ROBO2: variants seen among roughly 807,000 people sequenced by gnomAD.
ROBO2 encodes the protein roundabout guidance receptor 2.
Under a neutral mutation model 160.8 loss-of-function variants are expected in ROBO2, and 53 were observed. That is an observed-to-expected ratio of 0.33 (90% CI 0.26 to 0.41). ROBO2 has a LOEUF of 0.41. Ranked by LOEUF, ROBO2 falls within the 10% of genes least tolerant of loss-of-function variation. ROBO2 has a pLI of 1.00. For missense variants in ROBO2, 1,577 were observed against 1,722.4 expected, an observed-to-expected ratio of 0.92 and a Z score of 1.49; for synonymous variants, 664 against 611.7, an observed-to-expected ratio of 1.09 and a Z score of -1.26.
chr3:76,251,780 G>A (rs1706019383), intron 2 of ROBO2, among the ~76,000 whole-genome samples: 1 of 151,940 alleles, frequency 6.6e-6, no homozygotes, highest in Non-Finnish European at 1.5e-5. Flanking sequence ...TGGATGCTTC[G>A]AAATTTTGAC....
rs562705062 is a variant in ROBO2 at position 76,649,368 on chromosome 3, T to G, written c.110-448646T>G. On this transcript the variant is annotated intron_variant, in intron 2 of 26. Transcript: ENST00000487694. ...CGATTTCAGAATAAACTTAATTTAT[T>G]TAATCACCAAGAGAATTATGCTATG... Among the ~76,000 whole-genome samples, 5 of 152,292 alleles carry G rather than the reference T, an allele frequency of 3.3e-5. No individual in the cohort carries two copies. The South Asian group carries it at 1.0e-3, about 32-fold the overall frequency.
chr3:76,278,216 A>G (rs1383819057), intron 2 of ROBO2, among the ~76,000 whole-genome samples: 1 of 152,006 alleles, frequency 6.6e-6, no homozygotes, highest in Admixed American at 6.6e-5. Flanking sequence ...GAAGAAAAAC[A>G]TTATGATTGC....
chr3:76,447,672 G>T (rs920646424), intron 2 of ROBO2, among the ~76,000 whole-genome samples: 1 of 151,166 alleles, frequency 6.6e-6, no homozygotes, highest in Non-Finnish European at 1.5e-5. Context: ...ACTGGATTAA[G>T]AAAATGTGGC....
chr3:76,587,629 C>T (rs1560194232), intron 2 of ROBO2, among the ~76,000 whole-genome samples: 2 of 152,170 alleles, frequency 1.3e-5, no homozygotes. Context: ...CCTGGTCCCT[C>T]CCACAACACG....
At chr3:76,298,161 T>A (rs934874900) in intron 2 of ROBO2, among the ~76,000 whole-genome samples, 2 of 152,178 alleles carry the variant, frequency 1.3e-5, no homozygotes, top group Non-Finnish European at 1.5e-5. Context: ...TCCTAAGTGA[T>A]TTAATTGTTT....
chr3:76,974,080 C>T (rs2059699155), intron 2 of ROBO2, among the ~76,000 whole-genome samples: 1 of 152,134 alleles, frequency 6.6e-6, no homozygotes. Context: ...CTAGAAGAGT[C>T]TTGCAAACAG....
intron 5 of ROBO2, among the ~76,000 whole-genome samples, chr3:77,508,823 A>G (rs1201839777): frequency 2.6e-5 from 4 of 152,122 alleles, no homozygotes; most frequent in Admixed American, 6.6e-5. Context: ...TTAAAAAACA[A>G]CATTTAGACC....
intron 2 of ROBO2, among the ~76,000 whole-genome samples, chr3:76,114,049 A>C (rs915878046): frequency 3.3e-5 from 5 of 152,188 alleles, no homozygotes; most frequent in African/African-American, 1.2e-4. Flanking sequence ...GTACAACCTG[A>C]AGAACCATGA....
chr3:76,234,068 C>A (rs949853328), intron 2 of ROBO2, among the ~76,000 whole-genome samples: 1 of 152,114 alleles, frequency 6.6e-6, no homozygotes, highest in African/African-American at 2.4e-5. Flanking sequence ...TGAGAACAGG[C>A]AGTATTTGGT....
intron 2 of ROBO2, among the ~76,000 whole-genome samples, chr3:76,968,793 T>G (rs1039594012): frequency 1.6e-4 from 25 of 152,210 alleles, no homozygotes; most frequent in Admixed American, 1.6e-3. Context: ...TTCAGCTAAA[T>G]ATGTGACATT....
At chr3:77,357,459 G>A (rs1430796290) in intron 2 of ROBO2, among the ~76,000 whole-genome samples, 2 of 152,110 alleles carry the variant, frequency 1.3e-5, no homozygotes, top group Non-Finnish European at 2.9e-5. Context: ...AACAGACGCA[G>A]CCCTTCTATC....
At chr3:77,289,027 C>T (rs562707053) in intron 2 of ROBO2, among the ~76,000 whole-genome samples, 1 of 152,186 alleles carries the variant, frequency 6.6e-6, no homozygotes, top group African/African-American at 2.4e-5. Flanking sequence ...AGTTTTGTTT[C>T]TGTGTGTTTG....
At chr3:76,910,098 T>C (rs2075871721) in intron 2 of ROBO2, among the ~76,000 whole-genome samples, 1 of 152,276 alleles carries the variant, frequency 6.6e-6, no homozygotes, top group South Asian at 2.1e-4. Context: ...AAAATATAGG[T>C]AAGCCTAGGT....
At chr3:77,314,623 T>C (rs2063815183) in intron 2 of ROBO2, among the ~76,000 whole-genome samples, 1 of 152,182 alleles carries the variant, frequency 6.6e-6, no homozygotes, top group Non-Finnish European at 1.5e-5. Context: ...TTTACAAATA[T>C]ACCAGAGAAT....
At chr3:76,788,724 CT>C (rs2063156475) in intron 2 of ROBO2, among the ~76,000 whole-genome samples, 1 of 151,488 alleles carries the variant, frequency 6.6e-6, no homozygotes, top group Non-Finnish European at 1.5e-5. Context: ...ATCTGAACCT[CT>C]TAAGGAGAAG....
chr3:76,663,008 G>T (rs1223346464), intron 2 of ROBO2, among the ~76,000 whole-genome samples: 1 of 152,168 alleles, frequency 6.6e-6, no homozygotes, highest in Non-Finnish European at 1.5e-5. Context: ...ACCCATGGAG[G>T]TCTTAGAGGA....
intron 2 of ROBO2, among the ~76,000 whole-genome samples, chr3:76,848,860 C>T (rs1559597954): frequency 6.6e-6 from 1 of 152,158 alleles, no homozygotes; most frequent in Admixed American, 6.5e-5. Flanking sequence ...GAGACACAAA[C>T]ATTCTGTCCA....
intron 2 of ROBO2, among the ~76,000 whole-genome samples, chr3:76,202,039 C>T (rs960106823): frequency 6.6e-6 from 1 of 152,136 alleles, no homozygotes; most frequent in Non-Finnish European, 1.5e-5. Context: ...TAGGGAAGCA[C>T]TCATGCATCA....
intron 2 of ROBO2, among the ~76,000 whole-genome samples, chr3:76,223,002 G>C (rs4572777): frequency 1.3e-5 from 2 of 151,698 alleles, no homozygotes; most frequent in Admixed American, 6.6e-5. Flanking sequence ...TTATCTGCCC[G>C]CCTCAGCCTC....
Sources: allele counts gnomAD v4.1 joint callset (sites outside exome capture counted in the v4.1 genomes callset), GRCh38; gene constraint gnomAD v4.1.1; transcripts MANE v1.5; gene names NCBI Gene and HGNC (gene_info 2026-07-23, HGNC 2026-07-21).